Variants in HOMER2 observed in about 807,000 individuals in gnomAD.
HOMER2 encodes the protein homer scaffold protein 2.
A neutral mutation model predicts 47.0 loss-of-function variants in HOMER2; 27 were observed. The ratio of observed to expected loss-of-function variants is 0.57; its 90% CI spans 0.42 to 0.79. The LOEUF (loss-of-function observed/expected upper bound fraction) is 0.79, where lower values mean the gene tolerates loss of function less well. Ranked by LOEUF, HOMER2 falls within the 30% of genes least tolerant of loss-of-function variation. The pLI, the probability that HOMER2 is intolerant of heterozygous loss-of-function variation, is 0.00. For synonymous variants in HOMER2, 161 were observed against 163.8 expected, an observed-to-expected ratio of 0.98 and a Z score of 0.13; for missense variants, 443 against 435.0, an observed-to-expected ratio of 1.02 and a Z score of -0.16.
At chr15:82,912,092 AT>A (rs1157001076) in intron 1 of HOMER2, among the ~76,000 whole-genome samples, 5 of 152,208 alleles carry the variant, frequency 3.3e-5, no homozygotes, top group African/African-American at 1.2e-4. Flanking sequence ...AGTTATTTGT[AT>A]TGAGATATAA....
intron 1 of HOMER2, among the ~76,000 whole-genome samples, chr15:82,982,093 TTCATGATGTAACCTTTCTCATGCACA>T (rs2030415498): frequency 6.6e-6 from 1 of 152,166 alleles, no homozygotes; most frequent in Non-Finnish European, 1.5e-5. Flanking sequence ...CACTATAAAT[TTCATGATGTAACCTTTCTCATGCACA>T]TCAACAGGCC....
At chr15:82,967,864 A>C (rs543536410) in intron 1 of HOMER2, among the ~76,000 whole-genome samples, 5 of 151,938 alleles carry the variant, frequency 3.3e-5, no homozygotes, top group African/African-American at 1.2e-4. Flanking sequence ...GTGACAGAGC[A>C]AGACTCTGTC....
At chr15:82,922,714 T>C (rs1266290683) in intron 1 of HOMER2, among the ~76,000 whole-genome samples, 2 of 152,148 alleles carry the variant, frequency 1.3e-5, no homozygotes, top group Non-Finnish European at 2.9e-5. Context: ...CCTGTCCAGC[T>C]ATTCATGAAC....
At chr15:82,938,965 C>A (rs2054202198) in intron 1 of HOMER2, among the ~76,000 whole-genome samples, 1 of 152,212 alleles carries the variant, frequency 6.6e-6, no homozygotes, top group Non-Finnish European at 1.5e-5. Flanking sequence ...CTTTTCCTTC[C>A]CTCCAGTTGC....
At chr15:82,897,890 T>C (rs1463222571) in intron 1 of HOMER2, among the ~76,000 whole-genome samples, 1 of 152,202 alleles carries the variant, frequency 6.6e-6, no homozygotes, top group East Asian at 1.9e-4. Flanking sequence ...CAAGAGACCC[T>C]GAAGCAAAGG....
At chr15:82,860,763 CCT>C (rs2051746052) in intron 4 of HOMER2, among the ~76,000 whole-genome samples, 1 of 151,890 alleles carries the variant, frequency 6.6e-6, no homozygotes, top group Admixed American at 6.6e-5. Context: ...ATGGTGAAAC[CCT>C]GTCTCTACTA....
At chr15:82,889,890 G>A (rs181532713) in intron 2 of HOMER2, among the ~76,000 whole-genome samples, 1 of 152,262 alleles carries the variant, frequency 6.6e-6, no homozygotes, top group Admixed American at 6.5e-5. Context: ...GACAGGATAC[G>A]TGCTCCCATC....
chr15:82,873,378 C>CA (rs1209097690), intron 3 of HOMER2, among the ~76,000 whole-genome samples: 3 of 152,212 alleles, frequency 2.0e-5, no homozygotes, highest in Admixed American at 2.0e-4. Flanking sequence ...GACACTGCTT[C>CA]AAACCAAGTG....
chr15:82,923,939 G>A (rs1344008359), intron 1 of HOMER2, among the ~76,000 whole-genome samples: 4 of 152,258 alleles, frequency 2.6e-5, no homozygotes, highest in Middle Eastern at 3.4e-3. Context: ...TACATCTTAC[G>A]TGCCGTGTCT....
At chr15:82,920,221 CT>C (rs948305686) in intron 1 of HOMER2, among the ~76,000 whole-genome samples, 11 of 152,214 alleles carry the variant, frequency 7.2e-5, no homozygotes, top group African/African-American at 2.7e-4. Context: ...CATTGTTTTG[CT>C]GTTGTAGATC....
intron 3 of HOMER2, among the ~76,000 whole-genome samples, chr15:82,868,537 A>ATATATATATATATATATATG: frequency 1.6e-5 from 1 of 60,838 alleles, no homozygotes; most frequent in Non-Finnish European, 3.5e-5. Flanking sequence ...ATATATATAT[A>ATATATATATATATATATATG]TATATTTTTT....
intron 1 of HOMER2, among the ~76,000 whole-genome samples, chr15:82,893,248 C>A (rs1339354555): frequency 6.6e-6 from 1 of 151,788 alleles, no homozygotes; most frequent in Non-Finnish European, 1.5e-5. Context: ...TTAGGATTTT[C>A]CAATCTATTT....
At chr15:82,869,400 CAATAT>C (rs1037120225) in intron 3 of HOMER2, among the ~76,000 whole-genome samples, 7 of 140,774 alleles carry the variant, frequency 5.0e-5, no homozygotes, top group East Asian at 2.4e-4. Context: ...TTGAAATAAA[CAATAT>C]GATATTAATA....
At chr15:82,929,353 G>A (rs2053944545) in intron 1 of HOMER2, among the ~76,000 whole-genome samples, 1 of 152,106 alleles carries the variant, frequency 6.6e-6, no homozygotes, top group Non-Finnish European at 1.5e-5. Flanking sequence ...AGCAGGTTCT[G>A]AGCAAAAGAA....
At chr15:82,926,952 C>A (rs1488339218) in intron 1 of HOMER2, among the ~76,000 whole-genome samples, 2 of 152,172 alleles carry the variant, frequency 1.3e-5, no homozygotes, top group Non-Finnish European at 2.9e-5. Context: ...TTACAAATTA[C>A]CCAGACTGTA....
At chr15:82,854,601 C>G (rs1456277846) in intron 6 of HOMER2, 43 bp downstream of exon 6, 5 of 1,582,110 alleles carry the variant, frequency 3.2e-6, no homozygotes, top group Non-Finnish European at 4.3e-6. Flanking sequence ...TCCCACTGCC[C>G]ACACCAGCTG....
At chr15:82,924,324 A>C (rs2053804689) in intron 1 of HOMER2, among the ~76,000 whole-genome samples, 1 of 150,554 alleles carries the variant, frequency 6.6e-6, no homozygotes, top group Non-Finnish European at 1.5e-5. Context: ...GGCTGCCAGC[A>C]GGTGTCTAGA....
intron 1 of HOMER2, among the ~76,000 whole-genome samples, chr15:82,938,815 G>A (rs533010278): frequency 9.0e-4 from 137 of 152,174 alleles, no homozygotes; most frequent in Non-Finnish European, 1.3e-3. Context: ...TCAGTCTCCC[G>A]CCTCCTCTAA....
rs192085710 is a variant in HOMER2, at chr15:82,959,494, G to A, written n.83-186C>T. Among the ~76,000 whole-genome samples the A allele has an allele frequency of 7.9e-5, 12 of 152,304 alleles. No homozygotes were observed. In the East Asian group the frequency reaches 1.3e-3, roughly 17 times the overall value. On this transcript the variant is annotated intron_variant and non_coding_transcript_variant, in intron 1 of 1. Transcript: ENST00000500334. The stretch of plus-strand genomic sequence containing the variant: ...TCCTGGAGAAGAACTTGAAAGGGCC[G>A]GTCTGGAGAGTGGGCACAGTTCTGA...
Sources: gnomAD v4.1 joint callset for allele counts (sites outside exome capture counted in the v4.1 genomes callset) on GRCh38, gnomAD v4.1.1 for gene constraint, MANE v1.5 for transcripts, NCBI Gene and HGNC (gene_info 2026-07-23, HGNC 2026-07-21) for gene names.